The following VWF variants were observed in gnomAD, a reference collection of about 807,000 sequenced individuals.
VWF encodes Factor VIII related antigen.
In VWF, 176 loss-of-function variants were observed where a neutral mutation model predicts 308.6. That is an observed-to-expected ratio of 0.57 (90% CI 0.50 to 0.65). VWF has a LOEUF of 0.65. VWF is among the 30% of genes least tolerant of loss of function. The pLI is 0.00. For missense variants in VWF, 3,146 were observed against 3,648.2 expected, an observed-to-expected ratio of 0.86 and a Z score of 3.55; for synonymous variants, 1,385 against 1,443.4, an observed-to-expected ratio of 0.96 and a Z score of 0.92.
intron 30 of VWF, 54 bp from the exon 31 acceptor site, chr12:6,016,286 C>G: frequency 6.2e-7 from 1 of 1,613,376 alleles, no homozygotes; most frequent in Admixed American, 1.7e-5. Flanking sequence ...GCTCGACACC[C>G]TGTCTTAACG....
chr12:6,093,426 C>T (rs541370093), intron 6 of VWF, among the ~76,000 whole-genome samples: 4 of 152,312 alleles, frequency 2.6e-5, no homozygotes, highest in African/African-American at 4.8e-5. Context: ...GCTGAGGCCC[C>T]GCTGAAGCTC....
chr12:6,076,829 G>C (rs1944850165), intron 6 of VWF, among the ~76,000 whole-genome samples: 1 of 152,206 alleles, frequency 6.6e-6, no homozygotes, highest in Non-Finnish European at 1.5e-5. Context: ...CCAGGCCTGT[G>C]GGCCTCCTGT....
At position 5,998,449 on chromosome 12, in the gene VWF, G is replaced by C. The variant is rs1943830941; in HGVS notation, c.5843-2227C>G. Among the ~76,000 whole-genome samples the C allele has an allele frequency of 1.8e-5, 2 of 112,098 alleles. 1 individual carries two copies. Among genetic ancestry groups the C allele is most frequent in the South Asian group, 6.6e-4 (2 of 3,022 alleles). The allele number at this position is 112,098 out of a possible 152,430, so 73.5% of individuals were successfully genotyped here. ...GGAGGCAGAGCTTGCAGTGAGCCGA[G>C]ATTCCGAGACTCCGTCAAAAAAAAA... On this transcript the variant is annotated intron_variant, in intron 34 of 51. Transcript: ENST00000261405.
chr12:6,079,938 C>A (rs1353189045), intron 6 of VWF, among the ~76,000 whole-genome samples: 1 of 152,100 alleles, frequency 6.6e-6, no homozygotes, highest in Non-Finnish European at 1.5e-5. Context: ...TCAAGGAATG[C>A]AATAGAAAGC....
At chr12:6,007,331 G>GA (rs1479706418) in intron 34 of VWF, among the ~76,000 whole-genome samples, 1 of 152,114 alleles carries the variant, frequency 6.6e-6, no homozygotes, top group Non-Finnish European at 1.5e-5. Context: ...GCTAGCCCAC[G>GA]AAACAAATCT....
In VWF at chr12:6,092,673, G is replaced by GTGTGTGTGTGTGTGTGTGTGTA. The variant is rs1356836169; in HGVS notation, c.657+2786_657+2787insTACACACACACACACACACACA. On this transcript the variant is annotated intron_variant, in intron 6 of 51. Transcript: ENST00000261405. ...TGTGTGTGTGTGTGTGTGTGTGTGTGCTGACCAGCATTCCTTCCTGGTAAG... is the reference window on the plus strand; with the variant it reads ...TGTGTGTGTGTGTGTGTGTGTGTGTGTGTGTGTGTGTGTGTGTGTGTACTGACCAGCATTCCTTCCTGGTAAG... Among the ~76,000 whole-genome samples the GTGTGTGTGTGTGTGTGTGTGTA allele has an allele frequency of 4.8e-4, 59 of 123,732 alleles. 4 individuals are homozygous for GTGTGTGTGTGTGTGTGTGTGTA. The highest frequency in any genetic ancestry group is 8.5e-4 in the African/African-American group (22 of 25,976). 81.2% of individuals were successfully genotyped at this position (123,732 alleles called of 152,430 possible). A position where few individuals can be genotyped will look rare whatever the true frequency, so the allele number is the denominator to read the frequency against.
intron 15 of VWF, among the ~76,000 whole-genome samples, chr12:6,053,427 C>T (rs956017979): frequency 2.0e-5 from 3 of 152,138 alleles, no homozygotes; most frequent in African/African-American, 7.2e-5. Flanking sequence ...ATGCTCATAA[C>T]CCTTACTCTC....
At chr12:6,108,328 A>T (rs1171079224) in intron 5 of VWF, among the ~76,000 whole-genome samples, 45 of 118,478 alleles carry the variant, frequency 3.8e-4, no homozygotes, top group Middle Eastern at 4.0e-3. Flanking sequence ...GAAAGAAAGA[A>T]ATATATACAC....
chr12:5,982,068 C>T, intron 41 of VWF, 77 bp from the exon 42 acceptor site: 1 of 1,434,958 alleles, frequency 7.0e-7, no homozygotes, highest in South Asian at 1.2e-5. Flanking sequence ...TATAGGGTGC[C>T]AGGGAGCTTT....
intron 3 of VWF, among the ~76,000 whole-genome samples, chr12:6,117,684 G>A (rs897147393): frequency 3.9e-5 from 6 of 152,120 alleles, no homozygotes; most frequent in South Asian, 2.1e-4. Flanking sequence ...GTGTGGTGGC[G>A]CACGCCTGTA....
chr12:6,008,777 C>A (rs1591856375), intron 34 of VWF, among the ~76,000 whole-genome samples: 1 of 152,112 alleles, frequency 6.6e-6, no homozygotes, highest in African/African-American at 2.4e-5. Flanking sequence ...AAAGATTTCA[C>A]CAAAAATTTG....
At chr12:5,975,829 C>T (rs1943526391) in intron 43 of VWF, among the ~76,000 whole-genome samples, 1 of 152,170 alleles carries the variant, frequency 6.6e-6, no homozygotes, top group African/African-American at 2.4e-5. Flanking sequence ...ACGCAGAAAT[C>T]CTTTGCTCAT....
At chr12:6,006,398 C>T (rs1383508518) in intron 34 of VWF, among the ~76,000 whole-genome samples, 2 of 152,172 alleles carry the variant, frequency 1.3e-5, no homozygotes, top group Non-Finnish European at 2.9e-5. Flanking sequence ...AACAGTAAGT[C>T]CTTCCCTATC....
chr12:5,995,416 T>C (rs1383011846), intron 35 of VWF, among the ~76,000 whole-genome samples: 1 of 152,242 alleles, frequency 6.6e-6, no homozygotes, highest in African/African-American at 2.4e-5. Context: ...AATTCAGGAA[T>C]TCTTGCGAAG....
chr12:6,077,793 T>C (rs1049979708), intron 6 of VWF, among the ~76,000 whole-genome samples: 10 of 152,154 alleles, frequency 6.6e-5, no homozygotes, highest in Admixed American at 5.2e-4. Flanking sequence ...AAGGGGAACC[T>C]GAGGCTTCTG....
chr12:5,965,230 G>A (rs756960129), intron 47 of VWF, among the ~76,000 whole-genome samples: 3 of 152,148 alleles, frequency 2.0e-5, no homozygotes, highest in Admixed American at 6.5e-5. Context: ...ACTTGTTTAG[G>A]TCTGAGCAGC....
At chr12:6,082,003 G>A (rs1205303601) in intron 6 of VWF, among the ~76,000 whole-genome samples, 1 of 150,580 alleles carries the variant, frequency 6.6e-6, no homozygotes, top group Non-Finnish European at 1.5e-5. Flanking sequence ...GTCTCGCTCT[G>A]TCGCCCAGGC....
chr12:6,052,133 C>A (rs1399071425), intron 16 of VWF, among the ~76,000 whole-genome samples: 1 of 152,160 alleles, frequency 6.6e-6, no homozygotes, highest in African/African-American at 2.4e-5. Context: ...TAGCAATGCC[C>A]CATGGAGGCA....
intron 21 of VWF, among the ~76,000 whole-genome samples, chr12:6,031,027 T>C (rs954144432): frequency 8.5e-5 from 13 of 152,066 alleles, no homozygotes; most frequent in Non-Finnish European, 1.8e-4. Flanking sequence ...CGAGACTCCA[T>C]CTCAAAAAAA....
Sources: gnomAD v4.1 joint callset for allele counts (sites outside exome capture counted in the v4.1 genomes callset) on GRCh38, gnomAD v4.1.1 for gene constraint, MANE v1.5 for transcripts, NCBI Gene and HGNC (gene_info 2026-07-23, HGNC 2026-07-21) for gene names.